Variants in ZYG11B observed in about 807,000 individuals in gnomAD.
ZYG11B encodes zyg-11 family member B, cell cycle regulator, also known as protein zyg-11 homolog B.
A neutral mutation model predicts 82.4 loss-of-function variants in ZYG11B; 36 were observed. The ratio of observed to expected loss-of-function variants is 0.44; its 90% CI spans 0.33 to 0.58. ZYG11B has a LOEUF of 0.58. Among genes scored for constraint, ZYG11B ranks in the 20% least tolerant of loss-of-function variants. ZYG11B has a pLI of 0.02. For synonymous variants in ZYG11B, 303 were observed against 312.8 expected (o/e 0.97, Z 0.33); for missense variants, 552 against 895.6 (o/e 0.62, Z 4.90).
At chr1:52,812,219 G>GTAT (rs1645189869) in intron 10 of ZYG11B, among the ~76,000 whole-genome samples, 1 of 151,654 alleles carries the variant, frequency 6.6e-6, no homozygotes, top group African/African-American at 2.4e-5. Context: ...ATATTTTTCT[G>GTAT]CCCCTTTGTA....
chr1:52,768,596 CTTT>C (rs142493514), intron 2 of ZYG11B, among the ~76,000 whole-genome samples: 2 of 136,842 alleles, frequency 1.5e-5, no homozygotes, highest in Admixed American at 7.6e-5. Context: ...CCTTCTTCCT[CTTT>C]TTTTTTTTTT....
At chr1:52,774,411 G>A (rs564802561) in intron 3 of ZYG11B, among the ~76,000 whole-genome samples, 2 of 150,862 alleles carry the variant, frequency 1.3e-5, no homozygotes, top group East Asian at 3.9e-4. Flanking sequence ...AGGTTTTGAC[G>A]AATTTCCTGC....
Position 52,824,739 on chromosome 1 carries a change from G to T in ZYG11B, c.*3110G>T, listed in dbSNP as rs1571808688. On this transcript the variant is annotated 3_prime_UTR_variant, in exon 14 of 14. Coordinates refer to ENST00000294353, the MANE Select transcript of ZYG11B (RefSeq NM_024646.3). ...TCCTAAAATTGCGTATAGAATTAAG[G>T]CACAGAATTGTGTGTAAGGTCCTGA... 1 of 152,218 alleles carries T rather than the reference G, an allele frequency of 6.6e-6. No homozygotes were observed. Among genetic ancestry groups the T allele is most frequent in the South Asian group, 2.1e-4 (1 of 4,824 alleles). 9.4% of individuals were successfully genotyped at this position (152,218 alleles called of 1,614,324 possible).
At chr1:52,734,303 G>C (rs1470147530) in intron 1 of ZYG11B, among the ~76,000 whole-genome samples, 1 of 152,012 alleles carries the variant, frequency 6.6e-6, no homozygotes, top group Non-Finnish European at 1.5e-5. Flanking sequence ...CATCAATATT[G>C]AATGTAATGA....
intron 1 of ZYG11B, among the ~76,000 whole-genome samples, chr1:52,749,578 G>A (rs1475315873): frequency 1.3e-5 from 2 of 152,166 alleles, no homozygotes; most frequent in East Asian, 1.9e-4. Flanking sequence ...GGAATTTCTT[G>A]GTGATCTTGT....
At chr1:52,744,413 A>G (rs1347261740) in intron 1 of ZYG11B, among the ~76,000 whole-genome samples, 1 of 152,190 alleles carries the variant, frequency 6.6e-6, no homozygotes, top group Non-Finnish European at 1.5e-5. Flanking sequence ...TCCTGTTGTT[A>G]AGCAACACAT....
At chr1:52,775,928 G>A (rs1168877618) in intron 3 of ZYG11B, among the ~76,000 whole-genome samples, 2 of 151,464 alleles carry the variant, frequency 1.3e-5, no homozygotes, top group South Asian at 4.2e-4. Flanking sequence ...AAAACATAGA[G>A]GCAATGTCTG....
At chr1:52,820,989 C>CTGAGGCACAAG (rs942720093) in intron 13 of ZYG11B, among the ~76,000 whole-genome samples, 2 of 151,094 alleles carry the variant, frequency 1.3e-5, no homozygotes, top group African/African-American at 4.9e-5. Context: ...TATTTCCAGG[C>CTGAGGCACAAG]TGAGGCACAA....
intron 1 of ZYG11B, among the ~76,000 whole-genome samples, chr1:52,736,137 C>G (rs1255255917): frequency 6.6e-6 from 1 of 152,118 alleles, no homozygotes. Flanking sequence ...GGCTGCTGTG[C>G]TATACAGATT....
At chr1:52,819,067 G>A (rs755726184) in intron 13 of ZYG11B, among the ~76,000 whole-genome samples, 127 of 152,166 alleles carry the variant, frequency 8.3e-4, no homozygotes, top group Admixed American at 1.3e-3. Context: ...ATGAGCCACC[G>A]CACCCAGCTC....
intron 5 of ZYG11B, 86 bp from the exon 6 acceptor site, chr1:52,789,915 CTT>C (rs58685388): frequency 4.9e-3 from 3,545 of 719,454 alleles, no homozygotes; most frequent in South Asian, 7.7e-3. Context: ...CAGTCTTCTT[CTT>C]TTTTTTTTTT....
At chr1:52,782,671 G>C (rs771198551) in intron 4 of ZYG11B, among the ~76,000 whole-genome samples, 3 of 152,076 alleles carry the variant, frequency 2.0e-5, no homozygotes, top group Non-Finnish European at 2.9e-5. Flanking sequence ...TCAAACTCCA[G>C]GGCTCGAGCA....
In ZYG11B at chr1:52,813,752, A is replaced by G. The variant is rs760822168; in HGVS notation, c.1893+19A>G. ...TGATTTGGTAGGGTCATTCCATACC[A>G]ACAAAAGACATTCATAGTGGTTAAA... On this transcript the variant is annotated intron_variant, in intron 11 of 13. Coordinates refer to ENST00000294353, the MANE Select transcript of ZYG11B (RefSeq NM_024646.3). 6.2e-7 allele frequency: 1 copy of G among 1,614,068 alleles called. No individual in the cohort carries two copies.
At chr1:52,759,199 T>C (rs1228977405) in intron 2 of ZYG11B, among the ~76,000 whole-genome samples, 2 of 152,186 alleles carry the variant, frequency 1.3e-5, no homozygotes, top group African/African-American at 4.8e-5. Flanking sequence ...CCCAAAGTGC[T>C]GGGATTACAG....
chr1:52,758,448 C>A (rs1266691550), intron 2 of ZYG11B, among the ~76,000 whole-genome samples: 2 of 151,988 alleles, frequency 1.3e-5, no homozygotes, highest in Non-Finnish European at 2.9e-5. Flanking sequence ...AGAGAAGTAA[C>A]GTCCTGAGGG....
chr1:52,730,884 G>A (rs1231502668), intron 1 of ZYG11B, among the ~76,000 whole-genome samples: 1 of 151,164 alleles, frequency 6.6e-6, no homozygotes, highest in African/African-American at 2.4e-5. Context: ...GAGAAGTTGT[G>A]GAATAATGGA....
At chr1:52,751,506 T>A (rs1377378018) in intron 1 of ZYG11B, among the ~76,000 whole-genome samples, 1 of 152,018 alleles carries the variant, frequency 6.6e-6, no homozygotes, top group African/African-American at 2.4e-5. Context: ...GGCATGTGCC[T>A]GTAGTCCCAG....
At position 52,736,695 on chromosome 1, in the gene ZYG11B, C is replaced by T. The variant is rs530722019; in HGVS notation, c.30+10012C>T. On this transcript the variant is annotated intron_variant, in intron 1 of 13. Coordinates refer to ENST00000294353, the MANE Select transcript of ZYG11B (RefSeq NM_024646.3). ...CTCGAACTCCTGACCTCAGGTGATC[C>T]GCCCACCTTGGCCTCCCAAAGTGCT... is the stretch of plus-strand genomic sequence containing the variant. Among the ~76,000 whole-genome samples, 4 of 151,800 alleles carry T rather than the reference C, an allele frequency of 2.6e-5. No individual in the cohort carries two copies. In the South Asian group the frequency reaches 6.2e-4, roughly 24 times the overall value.
chr1:52,773,475 G>GAAAAAA (rs576210679), intron 3 of ZYG11B, among the ~76,000 whole-genome samples: 1 of 107,536 alleles, frequency 9.3e-6, no homozygotes. Context: ...CTCCGTCTCA[G>GAAAAAA]AAAAAAAAAA....
Sources: allele counts gnomAD v4.1 joint callset (sites outside exome capture counted in the v4.1 genomes callset), GRCh38; gene constraint gnomAD v4.1.1; transcripts MANE v1.5; gene names NCBI Gene and HGNC (gene_info 2026-07-23, HGNC 2026-07-21).